Variants in CRTAC1 observed in about 807,000 individuals in gnomAD.
CRTAC1 encodes acidic secreted protein in cartilage.
Under a neutral mutation model 67.8 loss-of-function variants are expected in CRTAC1, and 37 were observed. The ratio of observed to expected loss-of-function variants is 0.55; its 90% confidence interval spans 0.42 to 0.72. The LOEUF (loss-of-function observed/expected upper bound fraction) is 0.72. Ranked by LOEUF, CRTAC1 falls within the 30% of genes least tolerant of loss-of-function variation. The pLI is 0.00. For missense variants in CRTAC1, 780 were observed against 931.6 expected (o/e 0.84, Z 2.12); for synonymous variants, 348 against 371.0 (o/e 0.94, Z 0.71).
intron 2 of CRTAC1, among the ~76,000 whole-genome samples, chr10:97,962,090 A>G (rs1358414169): frequency 2.6e-5 from 4 of 152,138 alleles, no homozygotes; most frequent in Non-Finnish European, 2.9e-5. Flanking sequence ...CTGTTCTCAG[A>G]TGTGCAGCCT....
At position 98,019,387 on chromosome 10, in the gene CRTAC1, C is replaced by T. The variant is rs545856608; in HGVS notation, c.25-8050G>A. On this transcript the variant is annotated intron_variant, in intron 1 of 14. Transcript: ENST00000370597. Reference sequence around the variant, plus strand: ...ACGGCGATTTTGCTGCCCTCTGGCCCTGGGGACTTTTGGCAATATCTGGGG... The same window carrying T: ...ACGGCGATTTTGCTGCCCTCTGGCCTTGGGGACTTTTGGCAATATCTGGGG... 8.5e-4 allele frequency among the ~76,000 whole-genome samples: 130 copies of T among 152,300 alleles called. 2 individuals carry two copies. In the Middle Eastern group the frequency reaches 0.014, roughly 16 times the overall value.
At chr10:97,879,490 T>C (rs1054636628) in intron 14 of CRTAC1, 4 of 585,750 alleles carry the variant, frequency 6.8e-6, no homozygotes, top group Non-Finnish European at 1.1e-5. Flanking sequence ...AAAGAAAGTC[T>C]TCACAAACAA....
intron 5 of CRTAC1, 91 bp downstream of exon 5, chr10:97,917,409 T>A (rs1454276228): frequency 3.5e-5 from 38 of 1,099,710 alleles, no homozygotes; most frequent in Admixed American, 2.1e-4. Context: ...CCTTTCCTTG[T>A]GGTCTCTGAT....
At chr10:97,987,563 G>A (rs2052001469) in intron 2 of CRTAC1, among the ~76,000 whole-genome samples, 1 of 152,246 alleles carries the variant, frequency 6.6e-6, no homozygotes, top group Admixed American at 6.5e-5. Context: ...GAGAAGGCAT[G>A]CCAACAGCAG....
chr10:97,955,555 A>G lies in CRTAC1; in HGVS notation c.225-19189T>C, dbSNP rs114899754. Among the ~76,000 whole-genome samples, 1,291 of 152,070 alleles carry G rather than the reference A, an allele frequency of 8.5e-3. 23 individuals are homozygous for G. The highest frequency in any genetic ancestry group is 0.03 in the African/African-American group (1,233 of 41,458). ...CTGTGTCCTTGGGCAAGTTTACCTA[A>G]CCTCTCTGAGTATCTCATTCCCATT... On this transcript the variant is annotated intron_variant, in intron 2 of 14. Coordinates refer to ENST00000370597, the MANE Select transcript of CRTAC1 (RefSeq NM_018058.7).
chr10:97,948,504 T>C (rs1174574509), intron 2 of CRTAC1, among the ~76,000 whole-genome samples: 1 of 152,080 alleles, frequency 6.6e-6, no homozygotes, highest in Non-Finnish European at 1.5e-5. Flanking sequence ...TCACCAAGCT[T>C]TGGGACTGTG....
At chr10:97,889,241 C>T (rs995079343) in intron 11 of CRTAC1, among the ~76,000 whole-genome samples, 4 of 149,826 alleles carry the variant, frequency 2.7e-5, no homozygotes, top group African/African-American at 9.8e-5. Context: ...TTTTATTTTC[C>T]GGGTTTGGGA....
At chr10:98,008,585 A>G (rs1261615698) in intron 2 of CRTAC1, among the ~76,000 whole-genome samples, 2 of 150,834 alleles carry the variant, frequency 1.3e-5, no homozygotes, top group African/African-American at 5.0e-5. Context: ...GGAGACAGGG[A>G]GAGGCTTTCC....
Position 97,865,584 on chromosome 10 carries a change from C to T in CRTAC1, c.1950G>A (p.Gly650=), listed in dbSNP as rs562926604. 6.2e-7 allele frequency: 1 copy of T among 1,613,148 alleles called. No individual in the cohort carries two copies. The highest frequency in any genetic ancestry group is 8.5e-7 in the Non-Finnish European group (1 of 1,179,226). ...PVLVDGDLNL[G]SVVKESCEPS... is the part of the protein sequence containing the mutation. ...GCTCGCAGCTCTCCTTAACCACCGA[C>T]CCCAGATTGAGATCTCCATCTACGA... The change falls in exon 15 of 15, where the codon GGG becomes GGA. Residue 650 remains glycine (G), a synonymous_variant. Transcript: ENST00000370597.
intron 14 of CRTAC1, chr10:97,869,046 A>G (rs1590167875): frequency 6.6e-6 from 1 of 152,338 alleles, no homozygotes; most frequent in East Asian, 1.9e-4. Context: ...TTGGCTTTGA[A>G]TCTAGGCAAT....
intron 1 of CRTAC1, among the ~76,000 whole-genome samples, chr10:98,012,787 T>C (rs957547239): frequency 6.6e-6 from 1 of 152,154 alleles, no homozygotes; most frequent in Non-Finnish European, 1.5e-5. Flanking sequence ...AGGCTCCAAT[T>C]GCAGGGCAGA....
At chr10:97,979,336 T>C (rs10883023) in intron 2 of CRTAC1, among the ~76,000 whole-genome samples, 24,603 of 152,104 alleles carry the variant, frequency 0.16, 2,412 homozygotes, top group African/African-American at 0.28. Context: ...ACAAACCCTC[T>C]GTGTGATTCC....
intron 2 of CRTAC1, among the ~76,000 whole-genome samples, chr10:98,006,454 C>T (rs1842792274): frequency 6.6e-6 from 1 of 152,124 alleles, no homozygotes; most frequent in Non-Finnish European, 1.5e-5. Flanking sequence ...CCCAGTCCCT[C>T]CCCCATCCCC....
At chr10:98,016,234 A>G (rs1842994031) in intron 1 of CRTAC1, among the ~76,000 whole-genome samples, 1 of 152,190 alleles carries the variant, frequency 6.6e-6, no homozygotes, top group African/African-American at 2.4e-5. Flanking sequence ...CTGGGTAGGA[A>G]TTTGCAGGCC....
In CRTAC1 at chr10:98,030,478, C is replaced by T. The variant is rs1381581509; in HGVS notation, c.-6G>A. ...GGGTCAGCGCTCGGAGCCATCCTCC[C>T]GCTCTCGGCCCCGCCGCCTAGGGGC... On this transcript the variant is annotated 5_prime_UTR_variant, in exon 1 of 15. Coordinates refer to ENST00000370597, the MANE Select transcript of CRTAC1 (RefSeq NM_018058.7). The surrounding 1 kb of genome is among the most constrained non-coding windows in gnomAD (Gnocchi z 4.2). The T allele has an allele frequency of 1.6e-6, 2 of 1,247,332 alleles. No individual in the cohort carries two copies. Among genetic ancestry groups the T allele is most frequent in the African/African-American group, 1.6e-5 (1 of 64,372 alleles). The allele number at this position is 1,247,332 out of a possible 1,614,324, so 77.3% of individuals were successfully genotyped here.
rs1045075153 is a variant in CRTAC1 at position 97,934,986 on chromosome 10, G to A, written c.421+1184C>T. Reference sequence around the variant, plus strand: ...GTGGGTGGGGGGGAGCGGCGGGCGCGGCGGGGAAACCACCTTGATCTACTG... The same window carrying A: ...GTGGGTGGGGGGGAGCGGCGGGCGCAGCGGGGAAACCACCTTGATCTACTG... On this transcript the variant is annotated intron_variant, in intron 3 of 14. Transcript: ENST00000370597. 2.2e-4 allele frequency among the ~76,000 whole-genome samples: 34 copies of A among 151,856 alleles called. No homozygotes were observed. In the East Asian group the frequency reaches 3.3e-3, roughly 15 times the overall value.
At chr10:97,919,721 T>A (rs1273694646) in intron 4 of CRTAC1, among the ~76,000 whole-genome samples, 2 of 150,842 alleles carry the variant, frequency 1.3e-5, no homozygotes, top group Middle Eastern at 6.8e-3. Context: ...AACCGCCATG[T>A]GATTCCTGTG....
chr10:98,005,100 A>ATATATATATTTTTTTTTTTTTTTT, intron 2 of CRTAC1, among the ~76,000 whole-genome samples: 1 of 48,926 alleles, frequency 2.0e-5, no homozygotes, highest in African/African-American at 1.2e-4. Context: ...ATATATATAT[A>ATATATATATTTTTTTTTTTTTTTT]TTTTTTTTTT....
At chr10:97,900,502 TGG>T (rs2050519280) in intron 8 of CRTAC1, among the ~76,000 whole-genome samples, 3 of 145,486 alleles carry the variant, frequency 2.1e-5, no homozygotes. Context: ...TGGTAGTGAT[TGG>T]AGCCCGTAGC....
Sources: allele counts gnomAD v4.1 joint callset (sites outside exome capture counted in the v4.1 genomes callset), GRCh38; gene constraint gnomAD v4.1.1; non-coding constraint Gnocchi (gnomAD v3.1); transcripts MANE v1.5; gene names NCBI Gene and HGNC (gene_info 2026-07-23, HGNC 2026-07-21).